Variants in DNAH11 observed in about 807,000 individuals in gnomAD.
DNAH11 encodes axonemal beta dynein heavy chain 11.
A neutral mutation model predicts 526.0 loss-of-function variants in DNAH11; 442 were observed. The ratio of observed to expected loss-of-function variants is 0.84; its 90% CI spans 0.78 to 0.91. DNAH11 has a LOEUF of 0.91. DNAH11 is among the 40% of genes least tolerant of loss of function. The probability of loss-of-function intolerance (pLI) is 0.00; values close to 1 mark genes in which losing one functional copy is unlikely to be tolerated. For missense variants in DNAH11, 6,989 were observed against 5,448.7 expected, an observed-to-expected ratio of 1.28 and a Z score of -8.90; for synonymous variants, 2,461 against 1,935.9, an observed-to-expected ratio of 1.27 and a Z score of -7.12.
chr7:21,780,103 C>T (rs1298754406), intron 57 of DNAH11, among the ~76,000 whole-genome samples: 2 of 149,370 alleles, frequency 1.3e-5, no homozygotes, highest in African/African-American at 4.9e-5. Flanking sequence ...AACATCAAAA[C>T]TCTAAAAGGA....
chr7:21,565,731 G>T (rs76237950), intron 6 of DNAH11, among the ~76,000 whole-genome samples: 7,776 of 152,278 alleles, frequency 0.051, 269 homozygotes, highest in Admixed American at 0.084. Flanking sequence ...TGGCTATTGC[G>T]AGGATTCAAA....
intron 30 of DNAH11, among the ~76,000 whole-genome samples, chr7:21,664,452 T>C (rs923851454): frequency 4.0e-5 from 6 of 151,610 alleles, no homozygotes; most frequent in African/African-American, 1.5e-4. Context: ...ATCTTCTAAG[T>C]TCTGGGTGAT....
chr7:21,702,392 C>A (rs1397578655), intron 36 of DNAH11, among the ~76,000 whole-genome samples: 1 of 151,860 alleles, frequency 6.6e-6, no homozygotes, highest in African/African-American at 2.4e-5. Context: ...GGGGAATTTG[C>A]TGAGCTACTG....
intron 30 of DNAH11, among the ~76,000 whole-genome samples, chr7:21,662,935 CA>C (rs1420103881): frequency 6.6e-6 from 1 of 152,008 alleles, no homozygotes; most frequent in Non-Finnish European, 1.5e-5. Context: ...TTCATCTGAA[CA>C]ATGTATAGTG....
chr7:21,601,672 TTAAAG>T, intron 18 of DNAH11, 54 bp downstream of exon 18: 1 of 1,318,550 alleles, frequency 7.6e-7, no homozygotes, highest in Non-Finnish European at 1.0e-6. Context: ...ATCTCTTTTA[TTAAAG>T]TACTTTACAT....
intron 72 of DNAH11, among the ~76,000 whole-genome samples, chr7:21,868,546 G>C (rs1054503106): frequency 1.3e-5 from 2 of 152,148 alleles, no homozygotes; most frequent in Admixed American, 6.5e-5. Context: ...CTTTTTATGA[G>C]AGAAATGCTT....
At chr7:21,886,651 G>GC (rs1370888659) in intron 76 of DNAH11, among the ~76,000 whole-genome samples, 7 of 38,452 alleles carry the variant, frequency 1.8e-4, no homozygotes, top group Middle Eastern at 0.025. Context: ...AGGGCAAGGG[G>GC]CCCGCGAGGA....
At chr7:21,801,774 C>A (rs1456874059) in intron 62 of DNAH11, among the ~76,000 whole-genome samples, 1 of 152,194 alleles carries the variant, frequency 6.6e-6, no homozygotes, top group Non-Finnish European at 1.5e-5. Context: ...CCATTGAATT[C>A]TACCAGCAAA....
chr7:21,588,057 T>A lies in DNAH11; in HGVS notation c.1711-7T>A, dbSNP rs1411577244. ...GCTTAATGTTGCCTTCACTTTGATT[T>A]TTATAGCTTTTGACCATATTTGGAA... On this transcript the variant is annotated splice_region_variant and splice_polypyrimidine_tract_variant and intron_variant, in intron 9 of 81. Transcript: ENST00000409508. 1 of 1,612,600 alleles carries A rather than the reference T, an allele frequency of 6.2e-7. No individual in the cohort carries two copies. Among genetic ancestry groups the A allele is most frequent in the Non-Finnish European group, 8.5e-7 (1 of 1,179,408 alleles).
At chr7:21,759,558 A>G (rs945472166) in intron 54 of DNAH11, among the ~76,000 whole-genome samples, 5 of 152,236 alleles carry the variant, frequency 3.3e-5, no homozygotes, top group Non-Finnish European at 7.3e-5. Context: ...CCTCAGGTTT[A>G]GACTTGATTA....
chr7:21,559,895 A>G, intron 4 of DNAH11, 103 bp downstream of exon 4: 1 of 992,224 alleles, frequency 1.0e-6, no homozygotes, highest in African/African-American at 1.6e-5. Flanking sequence ...TGTATAATTT[A>G]CTGGTCTGCC....
In DNAH11 at chr7:21,878,439, A is replaced by G. The variant is rs184270707; in HGVS notation, c.12196-2263A>G. ...TAATTCCAAAGTGAAATTTTGATAC[A>G]TATATTGGATCTCCTAGAAATTTCT... On this transcript the variant is annotated intron_variant, in intron 74 of 81. Transcript: ENST00000409508. Among the ~76,000 whole-genome samples the G allele has an allele frequency of 2.0e-5, 3 of 152,380 alleles. No homozygotes were observed. In the East Asian group the frequency reaches 5.8e-4, roughly 29 times the overall value.
At position 21,738,840 on chromosome 7, in the gene DNAH11, C is replaced by T. The variant is rs376895904; in HGVS notation, c.7785C>T (p.Ile2595=). 4 of 1,603,144 alleles carry T rather than the reference C, an allele frequency of 2.5e-6. No homozygotes were observed. Among genetic ancestry groups the T allele is most frequent in the Non-Finnish European group, 3.4e-6 (4 of 1,175,528 alleles). Residue 2595 remains isoleucine (I), a synonymous_variant, in exon 47 of 82, where the codon ATC becomes ATT. Transcript: ENST00000409508. ...GCACCGTTCAGCCTCACACCCTGAT[C>T]CGGCAGCATATTGATTATGGACATT... ...LYGTVQPHTL[I]RQHIDYGHWY...
rs1344112195 is a variant in DNAH11, at chr7:21,801,051, C to T, written c.10027-86C>T. 4 of 1,424,988 alleles carry T rather than the reference C, an allele frequency of 2.8e-6. No homozygotes were observed. The African/African-American group carries it at 4.3e-5, about 15-fold the overall frequency. 88.3% of individuals were successfully genotyped at this position (1,424,988 alleles called of 1,614,324 possible). ...TGGGGGGAAGAGGTTTGTCCATTTACCTTACAGTAACAGATGTTTTAAGAT... is the reference window on the plus strand; with the variant it reads ...TGGGGGGAAGAGGTTTGTCCATTTATCTTACAGTAACAGATGTTTTAAGAT... On this transcript the variant is annotated intron_variant, in intron 61 of 81. Transcript: ENST00000409508.
At chr7:21,853,135 G>C (rs1349200718) in intron 67 of DNAH11, among the ~76,000 whole-genome samples, 1 of 152,188 alleles carries the variant, frequency 6.6e-6, no homozygotes, top group African/African-American at 2.4e-5. Context: ...TTTCCTAAAA[G>C]CCAGTAGAAA....
Position 21,602,357 on chromosome 7 carries a change from TAATA to T in DNAH11, c.3648+747_3648+750del, listed in dbSNP as rs776825386. On this transcript the variant is annotated intron_variant, in intron 18 of 81. Transcript: ENST00000409508. ...CTTCTCAAAATAATAATAATACTAA[TAATA>T]AATAAATGAAACTCAATTTGGATGG... is the stretch of plus-strand genomic sequence containing the variant. 8.6e-5 allele frequency among the ~76,000 whole-genome samples: 13 copies of T among 151,886 alleles called. 1 individual carries two copies. In the South Asian group the frequency reaches 2.3e-3, roughly 27 times the overall value.
intron 76 of DNAH11, among the ~76,000 whole-genome samples, chr7:21,887,539 A>C (rs964814970): frequency 1.3e-5 from 2 of 152,206 alleles, no homozygotes; most frequent in Non-Finnish European, 2.9e-5. Flanking sequence ...CGTATGATGT[A>C]ATTGACCCTC....
At position 21,571,825 on chromosome 7, in the gene DNAH11, T is replaced by G. The variant is rs767389120; in HGVS notation, c.1445T>G (p.Leu482Trp). 6.2e-7 allele frequency: 1 copy of G among 1,612,674 alleles called. No homozygotes were observed. The highest frequency in any genetic ancestry group is 8.5e-7 in the Non-Finnish European group (1 of 1,179,352). ...IKIEDIFATT[L>W]EFEKLERLEF... ...ACAAAGGATATATTTGCCACCACTT[T>G]GGAATTTGAAAAGCTGGAAAGACTG... The change falls in exon 8 of 82, where the codon TTG (leucine) becomes TGG (tryptophan). Residue 482 changes from leucine (L) to tryptophan (W), a missense_variant. By Grantham distance (61) the Leu-to-Trp change is moderately conservative (BLOSUM62 -2). Coordinates refer to ENST00000409508, the MANE Select transcript of DNAH11 (RefSeq NM_001277115.2).
intron 42 of DNAH11, among the ~76,000 whole-genome samples, chr7:21,712,801 T>C (rs1403049051): frequency 2.0e-5 from 3 of 152,240 alleles, no homozygotes; most frequent in Non-Finnish European, 4.4e-5. Flanking sequence ...CTTGAAGGTA[T>C]TAGCAGTTAC....
Sources: gnomAD v4.1 joint callset for allele counts (sites outside exome capture counted in the v4.1 genomes callset) on GRCh38, gnomAD v4.1.1 for gene constraint, MANE v1.5 for transcripts, NCBI Gene and HGNC (gene_info 2026-07-23, HGNC 2026-07-21) for gene names.